Variants in SRGAP3 observed in about 807,000 individuals in gnomAD.
The protein encoded by SRGAP3 is SLIT-ROBO Rho GTPase-activating protein 3.
SRGAP3 carries 39 observed loss-of-function variants against 121.1 expected under a neutral mutation model. The observed-to-expected ratio is 0.32, with a 90% CI of 0.25 to 0.42. The LOEUF is 0.42. SRGAP3 is among the 10% of genes least tolerant of loss of function. The pLI, the probability that SRGAP3 is intolerant of heterozygous loss-of-function variation, is 1.00. For synonymous variants in SRGAP3, 601 were observed against 570.0 expected, an observed-to-expected ratio of 1.05 and a Z score of -0.77; for missense variants, 1,213 against 1,470.6, an observed-to-expected ratio of 0.82 and a Z score of 2.86.
At chr3:9,269,308 G>A (rs1158350028) in intron 3 of SRGAP3, among the ~76,000 whole-genome samples, 3 of 152,168 alleles carry the variant, frequency 2.0e-5, no homozygotes, top group Non-Finnish European at 4.4e-5. Flanking sequence ...TCCACTAGTG[G>A]ACACAGTGCT....
At chr3:9,268,839 C>T (rs1166628225) in intron 3 of SRGAP3, among the ~76,000 whole-genome samples, 2 of 152,176 alleles carry the variant, frequency 1.3e-5, no homozygotes, top group African/African-American at 4.8e-5. Context: ...CACTACGTCA[C>T]ACTGCATTTC....
chr3:9,273,307 T>C (rs776252633), intron 3 of SRGAP3, among the ~76,000 whole-genome samples: 1 of 152,200 alleles, frequency 6.6e-6, no homozygotes, highest in Non-Finnish European at 1.5e-5. Context: ...TAGAGAACCC[T>C]GTCTTATTGT....
At chr3:9,010,093 C>T (rs771397005) in intron 18 of SRGAP3, among the ~76,000 whole-genome samples, 6 of 152,190 alleles carry the variant, frequency 3.9e-5, no homozygotes, top group African/African-American at 7.2e-5. Flanking sequence ...GTGAACACAG[C>T]GTGAGCCTAT....
At chr3:9,324,489 T>C (rs1237811494) in intron 3 of SRGAP3, among the ~76,000 whole-genome samples, 5 of 151,938 alleles carry the variant, frequency 3.3e-5, no homozygotes. Context: ...ACATCCTGTT[T>C]ACAGGACAAA....
At chr3:9,158,536 G>A (rs536152448) in intron 1 of SRGAP3, among the ~76,000 whole-genome samples, 31 of 152,156 alleles carry the variant, frequency 2.0e-4, no homozygotes, top group South Asian at 6.2e-4. Flanking sequence ...AATACCCCCG[G>A]TATTCATTCA....
In SRGAP3 at chr3:9,053,008, G is replaced by C; in HGVS notation, c.1323+19C>G. 1 of 1,612,632 alleles carries C rather than the reference G, an allele frequency of 6.2e-7. No homozygotes were observed. On this transcript the variant is annotated intron_variant, in intron 9 of 21. Transcript: ENST00000383836. ...TGGCTTGGCCGACAGTGTGGTTCTG[G>C]GCCCAGGATGCCACTTACTGTAAAA... is the stretch of plus-strand genomic sequence containing the variant.
chr3:9,247,254 A>C (rs904281820), intron 1 of SRGAP3, among the ~76,000 whole-genome samples: 1 of 152,176 alleles, frequency 6.6e-6, no homozygotes, highest in Non-Finnish European at 1.5e-5. Flanking sequence ...CAGTTGGGTG[A>C]ATTAAAATCT....
intron 1 of SRGAP3, among the ~76,000 whole-genome samples, chr3:9,199,653 C>G (rs1414767954): frequency 6.6e-6 from 1 of 152,168 alleles, no homozygotes; most frequent in African/African-American, 2.4e-5. Context: ...TTTTCGAGAG[C>G]ATGGGATTTA....
chr3:9,046,310 G>A (rs577952283), intron 10 of SRGAP3, among the ~76,000 whole-genome samples: 10 of 152,366 alleles, frequency 6.6e-5, no homozygotes, highest in South Asian at 4.1e-4. Context: ...AAAGGAGCAC[G>A]AGGGAATTTT....
At chr3:9,341,856 C>T (rs1955792975) in intron 1 of SRGAP3, among the ~76,000 whole-genome samples, 1 of 152,118 alleles carries the variant, frequency 6.6e-6, no homozygotes, top group Non-Finnish European at 1.5e-5. Context: ...TGAAGTATGG[C>T]TGTAAATGTC....
chr3:9,360,402 G>GT (rs2030733376), intron 1 of SRGAP3, among the ~76,000 whole-genome samples: 1 of 152,196 alleles, frequency 6.6e-6, no homozygotes, highest in Non-Finnish European at 1.5e-5. Flanking sequence ...TCAAAAAATT[G>GT]TAAGTCAAAC....
At chr3:9,147,414 A>G (rs1209483033) in intron 1 of SRGAP3, among the ~76,000 whole-genome samples, 1 of 152,132 alleles carries the variant, frequency 6.6e-6, no homozygotes, top group Admixed American at 6.5e-5. Flanking sequence ...AACACTGACC[A>G]CAAACCTACA....
chr3:9,016,997 T>G (rs1429186608), intron 14 of SRGAP3, among the ~76,000 whole-genome samples: 1 of 152,228 alleles, frequency 6.6e-6, no homozygotes, highest in Admixed American at 6.5e-5. Flanking sequence ...CCTTTTAATG[T>G]GACCTCCATT....
chr3:9,256,742 T>A (rs1243145891), intron 3 of SRGAP3: 1 of 397,832 alleles, frequency 2.5e-6, no homozygotes, highest in Non-Finnish European at 4.4e-6. Flanking sequence ...GTTCACACAT[T>A]AATCTTCTCT....
intron 3 of SRGAP3, among the ~76,000 whole-genome samples, chr3:9,260,387 TAA>T (rs1954229591): frequency 6.6e-6 from 1 of 152,168 alleles, no homozygotes; most frequent in African/African-American, 2.4e-5. Context: ...TCCAGCAAGC[TAA>T]GATTCACTGT....
intron 1 of SRGAP3, among the ~76,000 whole-genome samples, chr3:9,133,843 T>G (rs1949546637): frequency 1.3e-5 from 2 of 152,326 alleles, no homozygotes; most frequent in Middle Eastern, 3.4e-3. Context: ...CATGCTGGGA[T>G]TTGCTCCAAA....
At chr3:9,023,707 A>G (rs1326594015) in intron 14 of SRGAP3, among the ~76,000 whole-genome samples, 1 of 152,102 alleles carries the variant, frequency 6.6e-6, no homozygotes, top group African/African-American at 2.4e-5. Flanking sequence ...CTTGTATGGT[A>G]TAGGGCTCAG....
chr3:9,141,103 TC>T (rs1949829244), intron 1 of SRGAP3, among the ~76,000 whole-genome samples: 1 of 152,200 alleles, frequency 6.6e-6, no homozygotes, highest in Non-Finnish European at 1.5e-5. Flanking sequence ...CTGGAAACCT[TC>T]CCAGAAAATC....
intron 3 of SRGAP3, among the ~76,000 whole-genome samples, chr3:9,293,747 A>G (rs1185859763): frequency 1.3e-5 from 2 of 152,230 alleles, no homozygotes; most frequent in African/African-American, 4.8e-5. Context: ...TCTCAGCAGC[A>G]TTGATCATTA....
Sources: allele counts gnomAD v4.1 joint callset (sites outside exome capture counted in the v4.1 genomes callset), GRCh38; gene constraint gnomAD v4.1.1; transcripts MANE v1.5; gene names NCBI Gene and HGNC (gene_info 2026-07-23, HGNC 2026-07-21).